GRIK1: variants seen among roughly 807,000 people sequenced by gnomAD.
GRIK1 encodes the protein glutamate receptor ionotropic, kainate 1.
A neutral mutation model predicts 105.7 loss-of-function variants in GRIK1; 69 were observed. The ratio of observed to expected loss-of-function variants is 0.65; its 90% confidence interval spans 0.54 to 0.80. GRIK1 has a LOEUF of 0.80. Among genes scored for constraint, GRIK1 ranks in the 30% least tolerant of loss-of-function variants. GRIK1 has a pLI of 0.00. For missense variants in GRIK1, 1,109 were observed against 1,167.3 expected (o/e 0.95, Z 0.73); for synonymous variants, 438 against 431.3 (o/e 1.02, Z -0.19).
intron 2 of GRIK1, 37 bp downstream of exon 2, chr21:29,693,859 C>T: frequency 6.6e-7 from 1 of 1,511,256 alleles, no homozygotes; most frequent in Non-Finnish European, 9.2e-7. Flanking sequence ...GCAGACATAT[C>T]ACCCAAAGAA....
chr21:29,599,715 G>A (rs1412547807), intron 7 of GRIK1, among the ~76,000 whole-genome samples: 1 of 152,150 alleles, frequency 6.6e-6, no homozygotes, highest in Admixed American at 6.5e-5. Flanking sequence ...AGCTCCCTCT[G>A]CAAGGTGGAG....
At chr21:29,813,610 A>T (rs2067070853) in intron 1 of GRIK1, among the ~76,000 whole-genome samples, 2 of 152,162 alleles carry the variant, frequency 1.3e-5, no homozygotes. Flanking sequence ...TGTAGCATTA[A>T]AAAATATAAA....
chr21:29,925,948 G>A (rs553282851), intron 1 of GRIK1, among the ~76,000 whole-genome samples: 3 of 152,136 alleles, frequency 2.0e-5, no homozygotes, highest in Non-Finnish European at 4.4e-5. Context: ...TGTAATGGCC[G>A]TAGACTCTAA....
At chr21:29,838,208 A>G (rs2067864113) in intron 1 of GRIK1, among the ~76,000 whole-genome samples, 1 of 152,328 alleles carries the variant, frequency 6.6e-6, no homozygotes, top group Non-Finnish European at 1.5e-5. Context: ...CGAATATAGT[A>G]TCATAGAAGC....
intron 1 of GRIK1, among the ~76,000 whole-genome samples, chr21:29,755,643 A>G (rs1601609741): frequency 6.6e-6 from 1 of 152,172 alleles, no homozygotes; most frequent in East Asian, 1.9e-4. Flanking sequence ...GGCAGGTGGA[A>G]GAGTGCAATC....
Position 29,914,378 on chromosome 21 carries a change from C to A in GRIK1, c.118+25005G>T. 2.0e-5 allele frequency among the ~76,000 whole-genome samples: 3 copies of A among 152,104 alleles called. 1 individual carries two copies. The highest frequency in any genetic ancestry group is 7.2e-5 in the African/African-American group (3 of 41,548). ...CTGCTGGGACTTCCGAGAAAGCTCC[C>A]GAAGTAAGGCACATGAAGAGAAATT... is the stretch of plus-strand genomic sequence containing the variant. On this transcript the variant is annotated intron_variant, in intron 1 of 17. Transcript: ENST00000327783.
chr21:29,854,938 A>G (rs1264755404), intron 1 of GRIK1, among the ~76,000 whole-genome samples: 4 of 152,230 alleles, frequency 2.6e-5, no homozygotes, highest in East Asian at 3.8e-4. Flanking sequence ...GGATATTTGC[A>G]TCATAGAAAA....
At chr21:29,560,536 C>CTTTCTTTCT (rs2090441186) in intron 15 of GRIK1, among the ~76,000 whole-genome samples, 2 of 81,604 alleles carry the variant, frequency 2.5e-5, no homozygotes, top group Non-Finnish European at 2.3e-5. Flanking sequence ...TTCTTTCTTT[C>CTTTCTTTCT]TTTCTTTCTT....
At chr21:29,552,134 C>G (rs2090145460) in intron 16 of GRIK1, among the ~76,000 whole-genome samples, 1 of 152,082 alleles carries the variant, frequency 6.6e-6, no homozygotes, top group Admixed American at 6.5e-5. Flanking sequence ...GCTTCCAAAA[C>G]TGGGAGCCAT....
chr21:29,630,563 C>T (rs2062244926), intron 7 of GRIK1: 1 of 471,516 alleles, frequency 2.1e-6, no homozygotes, highest in African/African-American at 2.0e-5. Context: ...ATAATGTCTG[C>T]AAAAAGTGAA....
chr21:29,881,903 C>A (rs1308868562), intron 1 of GRIK1, among the ~76,000 whole-genome samples: 1 of 152,002 alleles, frequency 6.6e-6, no homozygotes, highest in African/African-American at 2.4e-5. Context: ...GACACATTTC[C>A]ATTTTCTCCC....
At chr21:29,799,814 A>G (rs1766147470) in intron 1 of GRIK1, among the ~76,000 whole-genome samples, 1 of 152,134 alleles carries the variant, frequency 6.6e-6, no homozygotes, top group South Asian at 2.1e-4. Context: ...GATTATAGGC[A>G]TGACCCACAG....
intron 1 of GRIK1, among the ~76,000 whole-genome samples, chr21:29,815,818 T>G (rs973844617): frequency 1.3e-5 from 2 of 152,098 alleles, no homozygotes; most frequent in Admixed American, 1.3e-4. Flanking sequence ...ATTAATGACT[T>G]AAATATAAGA....
chr21:29,650,894 G>A (rs1254810058), intron 6 of GRIK1, among the ~76,000 whole-genome samples: 1 of 152,160 alleles, frequency 6.6e-6, no homozygotes, highest in Non-Finnish European at 1.5e-5. Flanking sequence ...CTCTTGTCAA[G>A]TTTTTTATCT....
chr21:29,561,966 G>C lies in GRIK1; in HGVS notation c.2131-117C>G, dbSNP rs890248120. 7 of 660,634 alleles carry C rather than the reference G, an allele frequency of 1.1e-5. No individual in the cohort carries two copies. In the African/African-American group the frequency reaches 1.3e-4, roughly 12 times the overall value. 40.9% of individuals were successfully genotyped at this position (660,634 alleles called of 1,614,324 possible). On this transcript the variant is annotated intron_variant, in intron 14 of 17. Transcript: ENST00000327783. ...AGGGAGGATACTTTCTCCACAGGTG[G>C]GGGAGTCAAGATTGATGATCTCAAG...
At position 29,591,187 on chromosome 21, in the gene GRIK1, C is replaced by T. The variant is rs144528849; in HGVS notation, c.1290G>A (p.Thr430=). ...TGCTGGACTTGTCTTTGTTGCTGTC[C>T]GTCATGTTAAGCCCACTGTTGGAAT... The part of the protein sequence containing the change: ...IWNSNSGLNM[T]DSNKDKSSNI... Residue 430 remains threonine (T), a synonymous_variant, in exon 10 of 18, where the codon ACG becomes ACA. Transcript: ENST00000327783. 2.0e-5 allele frequency: 33 copies of T among 1,610,732 alleles called. No homozygotes were observed. The Middle Eastern group carries it at 6.6e-4, about 32-fold the overall frequency.
chr21:29,934,838 A>G (rs543637965), intron 1 of GRIK1, among the ~76,000 whole-genome samples: 14 of 152,294 alleles, frequency 9.2e-5, no homozygotes, highest in Non-Finnish European at 1.3e-4. Context: ...GGCCCATAAA[A>G]TCAATATTAA....
At chr21:29,737,224 C>T (rs1427845616) in intron 1 of GRIK1, among the ~76,000 whole-genome samples, 10 of 152,152 alleles carry the variant, frequency 6.6e-5, no homozygotes, top group Non-Finnish European at 2.9e-5. Context: ...GAGACTCTGG[C>T]CTGGGCAGTA....
Position 29,850,685 on chromosome 21 carries a change from T to C in GRIK1, c.118+88698A>G, listed in dbSNP as rs139285787. 3.2e-3 allele frequency among the ~76,000 whole-genome samples: 480 copies of C among 152,342 alleles called. 3 individuals are homozygous for C. Among genetic ancestry groups the C allele is most frequent in the Middle Eastern group, 0.02 (6 of 294 alleles). ...TCTGCCAGTTCCTTAGTCTTAGCAA[T>C]GTACCAGGCACATAAATTCTCTTTA... On this transcript the variant is annotated intron_variant, in intron 1 of 17. Coordinates refer to ENST00000327783, the MANE Select transcript of GRIK1 (RefSeq NM_001330994.2).
Sources: allele counts gnomAD v4.1 joint callset (sites outside exome capture counted in the v4.1 genomes callset), GRCh38; gene constraint gnomAD v4.1.1; transcripts MANE v1.5; gene names NCBI Gene and HGNC (gene_info 2026-07-23, HGNC 2026-07-21).